Variants in INPP5A observed in about 807,000 individuals in gnomAD.
INPP5A encodes the protein 43 kDa inositol polyphosphate 5-phophatase.
In INPP5A, 14 loss-of-function variants were observed where a neutral mutation model predicts 65.2. The observed-to-expected ratio is 0.21, with a 90% CI of 0.14 to 0.34. The LOEUF (loss-of-function observed/expected upper bound fraction) is 0.34, where lower values mean the gene tolerates loss of function less well. Ranked by LOEUF, INPP5A falls within the 10% of genes least tolerant of loss-of-function variation. The probability of loss-of-function intolerance (pLI) is 1.00; values close to 1 mark genes in which losing one functional copy is unlikely to be tolerated. For missense variants in INPP5A, 431 were observed against 545.6 expected, an observed-to-expected ratio of 0.79 and a Z score of 2.09; for synonymous variants, 207 against 208.3, an observed-to-expected ratio of 0.99 and a Z score of 0.05.
In INPP5A at chr10:132,637,832, G is replaced by A. The variant is rs1304574539; in HGVS notation, c.118-8036G>A. On this transcript the variant is annotated intron_variant, in intron 2 of 15. Coordinates refer to ENST00000368594, the MANE Select transcript of INPP5A (RefSeq NM_005539.5). This position sits in a 1 kb window ranked among gnomAD's most constrained non-coding sequence, Gnocchi z 4.1. Reference sequence around the variant, plus strand: ...GATTTTATCTGCAATGTGGGCTCCCGTCCTGTTCTGCCTCACGGTCGTTTT... The same window carrying A: ...GATTTTATCTGCAATGTGGGCTCCCATCCTGTTCTGCCTCACGGTCGTTTT... Among the ~76,000 whole-genome samples, 4 of 152,150 alleles carry A rather than the reference G, an allele frequency of 2.6e-5. No homozygotes were observed. Among genetic ancestry groups the A allele is most frequent in the African/African-American group, 4.8e-5 (2 of 41,420 alleles).
intron 7 of INPP5A, among the ~76,000 whole-genome samples, chr10:132,710,004 C>T (rs537970919): frequency 1.3e-5 from 2 of 152,388 alleles, no homozygotes; most frequent in African/African-American, 4.8e-5. Context: ...TGAGCAGCAT[C>T]AGCTGAGGCT....
At chr10:132,568,791 T>G (rs1322859810) in intron 1 of INPP5A, among the ~76,000 whole-genome samples, 4 of 151,898 alleles carry the variant, frequency 2.6e-5, no homozygotes, top group African/African-American at 9.7e-5. Context: ...AAAAGAATTT[T>G]TTTGAGACAA....
At position 132,651,492 on chromosome 10, in the gene INPP5A, GC is replaced by G. The variant is rs1239090274; in HGVS notation, c.306+990del. Among the ~76,000 whole-genome samples, 18 of 151,798 alleles carry G rather than the reference GC, an allele frequency of 1.2e-4. No individual in the cohort carries two copies. Among genetic ancestry groups the G allele is most frequent in the Admixed American group, 2.6e-4 (4 of 15,258 alleles). ...GTCCATCTCCCCCATCTCTGGGGAG[GC>G]CCTGGGTCCCCCGGCCTGGTTCCAT... On this transcript the variant is annotated intron_variant, in intron 4 of 15. Coordinates refer to ENST00000368594, the MANE Select transcript of INPP5A (RefSeq NM_005539.5). This position sits in a 1 kb window ranked among gnomAD's most constrained non-coding sequence, Gnocchi z 5.0.
intron 11 of INPP5A, among the ~76,000 whole-genome samples, chr10:132,755,502 A>G (rs1590988009): frequency 9.4e-6 from 1 of 106,342 alleles, no homozygotes; most frequent in African/African-American, 3.9e-5. Flanking sequence ...GGGTGTGTGC[A>G]TGAGAGCAGG....
chr10:132,544,178 C>G (rs2070939679), intron 1 of INPP5A, among the ~76,000 whole-genome samples: 1 of 152,242 alleles, frequency 6.6e-6, no homozygotes, highest in Non-Finnish European at 1.5e-5. Flanking sequence ...GACGCACAGC[C>G]ATAAGTGCCA....
chr10:132,742,978 G>A (rs542975518), intron 9 of INPP5A, among the ~76,000 whole-genome samples: 67 of 152,302 alleles, frequency 4.4e-4, no homozygotes, highest in Admixed American at 3.9e-3. Flanking sequence ...CCTGCCCCGC[G>A]CCCCCTTTGT....
Position 132,547,138 on chromosome 10 carries a change from G to A in INPP5A, c.75+8967G>A, listed in dbSNP as rs528043003. ...ACAGTCCAGGTTCACGTGGATGCGG[G>A]GCAGGCCCCACCTCTCCTCGCATGT... On this transcript the variant is annotated intron_variant, in intron 1 of 15. Coordinates refer to ENST00000368594, the MANE Select transcript of INPP5A (RefSeq NM_005539.5). The surrounding 1 kb of genome is among the most constrained non-coding windows in gnomAD (Gnocchi z 5.5). Among the ~76,000 whole-genome samples the A allele has an allele frequency of 6.6e-6, 1 of 152,354 alleles. No individual in the cohort carries two copies. The highest frequency in any genetic ancestry group is 1.5e-5 in the Non-Finnish European group (1 of 68,026).
intron 5 of INPP5A, among the ~76,000 whole-genome samples, chr10:132,693,251 C>A (rs1414230630): frequency 1.3e-5 from 2 of 151,976 alleles, no homozygotes; most frequent in Non-Finnish European, 2.9e-5. Context: ...GAATGGGAGA[C>A]CCCAAAGATA....
rs1332516554 is a variant in INPP5A, at chr10:132,549,232, G to T, written c.75+11061G>T. Among the ~76,000 whole-genome samples the T allele has an allele frequency of 6.6e-6, 1 of 152,170 alleles. No individual in the cohort carries two copies. Among genetic ancestry groups the T allele is most frequent in the Non-Finnish European group, 1.5e-5 (1 of 68,032 alleles). ...TATGCACGTGCCTGTGTGGACGAGG[G>T]TGTCACTGCTCTAGGGCTGGCCGAG... On this transcript the variant is annotated intron_variant, in intron 1 of 15. Transcript: ENST00000368594. The surrounding 1 kb of genome is among the most constrained non-coding windows in gnomAD (Gnocchi z 4.9).
At chr10:132,764,741 C>T (rs372723178) in intron 11 of INPP5A, among the ~76,000 whole-genome samples, 52 of 131,648 alleles carry the variant, frequency 3.9e-4, no homozygotes, top group South Asian at 1.8e-3. Flanking sequence ...GGAACACGGT[C>T]GGGCCAGTCC....
chr10:132,608,759 C>G (rs1019668296), intron 2 of INPP5A, among the ~76,000 whole-genome samples: 2 of 152,334 alleles, frequency 1.3e-5, no homozygotes, highest in Admixed American at 1.3e-4. Flanking sequence ...CTCAGACCCA[C>G]GCAAGGGCTG....
intron 1 of INPP5A, among the ~76,000 whole-genome samples, chr10:132,602,720 C>T (rs1260346745): frequency 6.6e-6 from 1 of 152,156 alleles, no homozygotes; most frequent in African/African-American, 2.4e-5. Context: ...ATTTTCTTGC[C>T]TAATTGCCCA....
intron 2 of INPP5A, among the ~76,000 whole-genome samples, chr10:132,613,949 A>G (rs908219522): frequency 1.3e-5 from 2 of 152,248 alleles, no homozygotes; most frequent in African/African-American, 4.8e-5. Context: ...TGGCTTTTAT[A>G]TAGGGAAGAA....
chr10:132,725,568 C>T (rs1188184095), intron 8 of INPP5A, among the ~76,000 whole-genome samples: 8 of 152,218 alleles, frequency 5.3e-5, no homozygotes, highest in African/African-American at 1.9e-4. Context: ...ATTGGTTGGG[C>T]CCCCTGCCTC....
In INPP5A at chr10:132,653,667, A is replaced by G. The variant is rs935131160; in HGVS notation, c.306+3162A>G. 2.0e-5 allele frequency among the ~76,000 whole-genome samples: 3 copies of G among 152,270 alleles called. No individual in the cohort carries two copies. In the South Asian group the frequency reaches 6.2e-4, roughly 31 times the overall value. On this transcript the variant is annotated intron_variant, in intron 4 of 15. Coordinates refer to ENST00000368594, the MANE Select transcript of INPP5A (RefSeq NM_005539.5). ...AGTAAATAAAAAAGATATATGGAAAAGTCTCAAATATTTGGAAATTAACTT... is the reference window on the plus strand; with the variant it reads ...AGTAAATAAAAAAGATATATGGAAAGGTCTCAAATATTTGGAAATTAACTT...
chr10:132,607,054 C>G (rs533761826), intron 1 of INPP5A, among the ~76,000 whole-genome samples: 33 of 152,270 alleles, frequency 2.2e-4, no homozygotes, highest in Non-Finnish European at 4.4e-4. Context: ...GCTGAGTGCT[C>G]GCGCTCAGCC....
At position 132,547,981 on chromosome 10, in the gene INPP5A, C is replaced by A. The variant is rs933429168; in HGVS notation, c.75+9810C>A. On this transcript the variant is annotated intron_variant, in intron 1 of 15. Transcript: ENST00000368594. This position sits in a 1 kb window ranked among gnomAD's most constrained non-coding sequence, Gnocchi z 5.5. ...ATGGCGTGATCTCACCTCACTGCGA[C>A]CTCCGCCTCCCAGGTTCAAGCAGTT... Among the ~76,000 whole-genome samples the A allele has an allele frequency of 7.2e-5, 11 of 151,986 alleles. No individual in the cohort carries two copies. The highest frequency in any genetic ancestry group is 1.5e-4 in the Non-Finnish European group (10 of 67,994).
intron 2 of INPP5A, among the ~76,000 whole-genome samples, chr10:132,612,086 G>A (rs1307717324): frequency 2.7e-5 from 4 of 148,908 alleles, no homozygotes; most frequent in Non-Finnish European, 4.5e-5. Context: ...GTCAGAGAGG[G>A]GAGAGGGAAG....
intron 13 of INPP5A, among the ~76,000 whole-genome samples, chr10:132,780,576 C>T (rs1164388265): frequency 1.3e-5 from 2 of 152,232 alleles, no homozygotes; most frequent in African/African-American, 2.4e-5. Context: ...CGGCTCCCCA[C>T]GCGACCCCTC....
Sources: gnomAD v4.1 joint callset for allele counts (sites outside exome capture counted in the v4.1 genomes callset) on GRCh38, gnomAD v4.1.1 for gene constraint, Gnocchi (gnomAD v3.1) non-coding constraint, MANE v1.5 for transcripts, NCBI Gene and HGNC (gene_info 2026-07-23, HGNC 2026-07-21) for gene names.